Variants in MOCOS observed in about 807,000 individuals in gnomAD.
MOCOS encodes the protein human molybdenum cofactor sulfurase.
MOCOS carries 86 observed loss-of-function variants against 83.6 expected under a neutral mutation model. The ratio of observed to expected loss-of-function variants is 1.03; its 90% CI spans 0.86 to 1.23. The LOEUF is 1.23. Among genes scored for constraint, MOCOS ranks in the 50% most tolerant of loss-of-function variants. The pLI is 0.00. For missense variants in MOCOS, 1,120 were observed against 1,126.9 expected (o/e 0.99, Z 0.09); for synonymous variants, 445 against 434.7 (o/e 1.02, Z -0.29).
chr18:36,266,926 T>C (rs1462742451), intron 14 of MOCOS, 73 bp downstream of exon 14: 2 of 1,241,090 alleles, frequency 1.6e-6, no homozygotes, highest in Non-Finnish European at 1.2e-6. Context: ...ATGTTCATAA[T>C]AGCACAGAGT....
chr18:36,249,219 CT>C (rs1323473449), intron 10 of MOCOS, among the ~76,000 whole-genome samples: 1 of 152,168 alleles, frequency 6.6e-6, no homozygotes, highest in Non-Finnish European at 1.5e-5. Context: ...GCTGTTCCCT[CT>C]GCCTGGTGCT....
chr18:36,204,952 C>T (rs2091428832), intron 5 of MOCOS, 125 bp from the exon 6 acceptor site: 4 of 834,992 alleles, frequency 4.8e-6, no homozygotes, highest in Admixed American at 2.6e-5. Context: ...GTGATCATAC[C>T]ACTGCACTCC....
At chr18:36,252,886 T>G (rs549456678) in intron 11 of MOCOS, among the ~76,000 whole-genome samples, 21 of 152,354 alleles carry the variant, frequency 1.4e-4, no homozygotes, top group African/African-American at 4.8e-4. Context: ...TTCTGATGAT[T>G]TTCACGCCAT....
chr18:36,208,772 G>A (rs1029616492), intron 6 of MOCOS, among the ~76,000 whole-genome samples: 1 of 152,112 alleles, frequency 6.6e-6, no homozygotes, highest in Non-Finnish European at 1.5e-5. Flanking sequence ...TTCCTATTTG[G>A]ATGTCTTTTA....
intron 1 of MOCOS, among the ~76,000 whole-genome samples, chr18:36,192,765 A>T (rs745326672): frequency 1.3e-5 from 2 of 152,096 alleles, no homozygotes; most frequent in African/African-American, 2.4e-5. Context: ...ATCCTGCCTC[A>T]GCCTCCCAAG....
At chr18:36,225,188 T>C (rs148088985) in intron 9 of MOCOS, among the ~76,000 whole-genome samples, 1,901 of 152,322 alleles carry the variant, frequency 0.012, 27 homozygotes, top group Admixed American at 0.041. Context: ...AGTCTCATTC[T>C]GTTGCCAGGC....
chr18:36,215,605 G>A lies in MOCOS; in HGVS notation c.1425G>A (p.Leu475=), dbSNP rs531863176. ...TTTCATTTGGATACATGTCGACGCTGGATGATGTCCAGGCCTTTCTTAGGT... is the reference window on the plus strand; with the variant it reads ...TTTCATTTGGATACATGTCGACGCTAGATGATGTCCAGGCCTTTCTTAGGT... ...VRISFGYMST[L]DDVQAFLRFI... is the part of the protein sequence containing the mutation. Residue 475 remains leucine, a synonymous_variant, in exon 8 of 15, where the codon CTG becomes CTA. Transcript: ENST00000261326. The A allele has an allele frequency of 1.6e-4, 254 of 1,614,144 alleles. 4 individuals carry two copies. In the South Asian group the frequency reaches 2.6e-3, roughly 16 times the overall value.
intron 6 of MOCOS, among the ~76,000 whole-genome samples, chr18:36,210,882 T>TAAAAAAAAAAAAAAAAAA (rs2091453184): frequency 6.5e-5 from 4 of 61,212 alleles, no homozygotes; most frequent in Admixed American, 1.9e-4. Context: ...AAAAAAAAAG[T>TAAAAAAAAAAAAAAAAAA]AACTGTGTGT....
At chr18:36,230,639 A>C (rs1241090179) in intron 9 of MOCOS, among the ~76,000 whole-genome samples, 1 of 152,166 alleles carries the variant, frequency 6.6e-6, no homozygotes, top group African/African-American at 2.4e-5. Context: ...TAAGACTGAG[A>C]AGACAGAAGC....
chr18:36,223,527 C>A (rs1036836436), intron 9 of MOCOS, among the ~76,000 whole-genome samples: 2 of 152,064 alleles, frequency 1.3e-5, no homozygotes, highest in South Asian at 2.1e-4. Flanking sequence ...GGAATTGTGA[C>A]AACTCCAGCT....
chr18:36,209,560 G>T (rs748155012), intron 6 of MOCOS, among the ~76,000 whole-genome samples: 1 of 150,814 alleles, frequency 6.6e-6, no homozygotes, highest in Non-Finnish European at 1.5e-5. Context: ...TCATACTTTA[G>T]CTCCCACTTA....
chr18:36,226,026 G>T (rs946239576), intron 9 of MOCOS, among the ~76,000 whole-genome samples: 1 of 151,492 alleles, frequency 6.6e-6, no homozygotes, highest in African/African-American at 2.4e-5. Flanking sequence ...TTCTTCTGCT[G>T]TTGGGTGAAA....
intron 13 of MOCOS, among the ~76,000 whole-genome samples, chr18:36,265,740 GATAT>G (rs35832849): frequency 0.23 from 34,921 of 148,868 alleles, 4,175 homozygotes; most frequent in Admixed American, 0.26. Context: ...GGTACGTATG[GATAT>G]ATATATATAT....
chr18:36,264,060 A>T (rs1054685492), intron 13 of MOCOS, among the ~76,000 whole-genome samples: 3 of 152,144 alleles, frequency 2.0e-5, no homozygotes, highest in Non-Finnish European at 4.4e-5. Context: ...CTGTAATCCC[A>T]GTTACTCAGG....
At chr18:36,215,038 C>A (rs1161008621) in intron 7 of MOCOS, among the ~76,000 whole-genome samples, 1 of 152,212 alleles carries the variant, frequency 6.6e-6, no homozygotes, top group African/African-American at 2.4e-5. Context: ...TTTGCAGGGG[C>A]AGCATCTCTG....
Position 36,266,954 on chromosome 18 carries a change from G to T in MOCOS, c.2514+101G>T, listed in dbSNP as rs1422540346. On this transcript the variant is annotated intron_variant, in intron 14 of 14. Transcript: ENST00000261326. Reference sequence around the variant, plus strand: ...CACAGAGTTATTTTTTTAAATGGGGGATTTGCTGCCCATCCAAAGCTGTTG... The same window carrying T: ...CACAGAGTTATTTTTTTAAATGGGGTATTTGCTGCCCATCCAAAGCTGTTG... 5 of 984,312 alleles carry T rather than the reference G, an allele frequency of 5.1e-6. No homozygotes were observed. The East Asian group carries it at 7.8e-5, about 15-fold the overall frequency. 61.0% of individuals were successfully genotyped at this position (984,312 alleles called of 1,614,324 possible).
At chr18:36,256,903 T>C (rs1400435607) in intron 11 of MOCOS, 65 bp from the exon 12 acceptor site, 1 of 1,362,054 alleles carries the variant, frequency 7.3e-7, no homozygotes, top group African/African-American at 1.4e-5. Flanking sequence ...TACAAGTCTA[T>C]GGAAACATGA....
chr18:36,195,425 T>C (rs921784575), intron 2 of MOCOS, 79 bp downstream of exon 2: 2 of 1,291,148 alleles, frequency 1.5e-6, no homozygotes, highest in Admixed American at 1.7e-5. Flanking sequence ...GCTGGATTAA[T>C]AGGCCAGGAA....
intron 2 of MOCOS, among the ~76,000 whole-genome samples, chr18:36,197,177 CAATTA>C (rs1433067774): frequency 3.9e-5 from 6 of 152,094 alleles, no homozygotes; most frequent in Non-Finnish European, 8.8e-5. Flanking sequence ...AGGCCGGGAT[CAATTA>C]TTTCTGCAGG....
Sources: gnomAD v4.1 joint callset for allele counts (sites outside exome capture counted in the v4.1 genomes callset) on GRCh38, gnomAD v4.1.1 for gene constraint, MANE v1.5 for transcripts, NCBI Gene and HGNC (gene_info 2026-07-23, HGNC 2026-07-21) for gene names.